SLC4A4: variants seen among roughly 807,000 people sequenced by gnomAD.
SLC4A4 encodes the protein solute carrier family 4 member 4.
Under a neutral mutation model 111.5 loss-of-function variants are expected in SLC4A4, and 27 were observed. The observed-to-expected ratio is 0.24, with a 90% CI of 0.18 to 0.33. The LOEUF (loss-of-function observed/expected upper bound fraction) is 0.33, where lower values mean the gene tolerates loss of function less well. Ranked by LOEUF, SLC4A4 falls within the 10% of genes least tolerant of loss-of-function variation. SLC4A4 has a pLI of 1.00. For missense variants in SLC4A4, 909 were observed against 1,315.5 expected, an observed-to-expected ratio of 0.69 and a Z score of 4.78; for synonymous variants, 443 against 463.4, an observed-to-expected ratio of 0.96 and a Z score of 0.57.
Position 71,560,191 on chromosome 4 carries a change from AAAG to A in SLC4A4, c.3040_3042del (p.Lys1014del). 5.6e-6 allele frequency: 9 copies of A among 1,611,210 alleles called. No individual in the cohort carries two copies. The highest frequency in any genetic ancestry group is 7.6e-6 in the Non-Finnish European group (9 of 1,178,002). On this transcript the variant is annotated inframe_deletion, in exon 23 of 26. Transcript: ENST00000264485. ...ATGTCATTCCAGAAAAGGACAAGAA[AAAG>A]AAGGAGGATGAGAAGAAAAAGAAAA...
At chr4:71,356,565 A>G (rs1043415469) in intron 5 of SLC4A4, among the ~76,000 whole-genome samples, 4 of 152,196 alleles carry the variant, frequency 2.6e-5, no homozygotes, top group African/African-American at 9.6e-5. Context: ...GTATAACATC[A>G]CAGAAGAATT....
intron 6 of SLC4A4, among the ~76,000 whole-genome samples, chr4:71,361,269 A>G (rs936342095): frequency 1.3e-5 from 2 of 152,310 alleles, no homozygotes; most frequent in East Asian, 3.9e-4. Flanking sequence ...TGGCACATCC[A>G]CTACCAGCAC....
chr4:71,108,367 C>T (rs956307007), intron 2 of SLC4A4, among the ~76,000 whole-genome samples: 2 of 152,146 alleles, frequency 1.3e-5, no homozygotes, highest in Non-Finnish European at 2.9e-5. Flanking sequence ...CTGAGAATGC[C>T]TTAGTTTCTC....
intron 1 of SLC4A4, among the ~76,000 whole-genome samples, chr4:71,084,566 C>T (rs902444137): frequency 2.0e-5 from 3 of 151,876 alleles, no homozygotes; most frequent in African/African-American, 7.3e-5. Flanking sequence ...GCCCCCACTG[C>T]ACAACAGGCC....
At chr4:71,169,375 T>C (rs1578546369) in intron 2 of SLC4A4, among the ~76,000 whole-genome samples, 1 of 152,086 alleles carries the variant, frequency 6.6e-6, no homozygotes, top group East Asian at 1.9e-4. Context: ...TACTAATTTA[T>C]ATTACATAAA....
Position 71,430,943 on chromosome 4 carries a change from T to C in SLC4A4, c.808-9673T>C, listed in dbSNP as rs376717322. On this transcript the variant is annotated intron_variant, in intron 7 of 25. Transcript: ENST00000264485. ...TAAGATTGGCTATATCTAGGTCTTT[T>C]GTCCACATATGTGGCCTGGATAGGA... Among the ~76,000 whole-genome samples the C allele has an allele frequency of 4.0e-4, 61 of 152,306 alleles. No homozygotes were observed. In the East Asian group the frequency reaches 6.0e-3, roughly 15 times the overall value.
chr4:71,458,016 A>G (rs974587931), intron 12 of SLC4A4, among the ~76,000 whole-genome samples: 1 of 151,762 alleles, frequency 6.6e-6, no homozygotes, highest in Non-Finnish European at 1.5e-5. Flanking sequence ...TTTTATTTTT[A>G]TTTTTTCCTA....
intron 1 of SLC4A4, among the ~76,000 whole-genome samples, chr4:71,089,887 G>A (rs147321591): frequency 0.56 from 71,544 of 128,726 alleles, 22,276 homozygotes; most frequent in East Asian, 0.73. Context: ...CAGATCTCCA[G>A]CTGTGTGCTG....
At chr4:71,365,085 A>C (rs1731125571) in intron 6 of SLC4A4, among the ~76,000 whole-genome samples, 1 of 152,232 alleles carries the variant, frequency 6.6e-6, no homozygotes, top group Non-Finnish European at 1.5e-5. Flanking sequence ...ATCAAGAAAT[A>C]ATATGTGTAC....
chr4:71,486,589 T>A (rs565192885), intron 14 of SLC4A4, among the ~76,000 whole-genome samples: 1 of 151,620 alleles, frequency 6.6e-6, no homozygotes, highest in Non-Finnish European at 1.5e-5. Flanking sequence ...AAGCCAGTGG[T>A]CAACTTAATC....
intron 3 of SLC4A4, among the ~76,000 whole-genome samples, chr4:71,265,734 C>G (rs973235124): frequency 2.0e-5 from 3 of 152,216 alleles, no homozygotes; most frequent in African/African-American, 7.2e-5. Flanking sequence ...CATAGTGATT[C>G]TCTAACGATT....
At chr4:71,227,000 G>A (rs558534014) in intron 1 of SLC4A4, among the ~76,000 whole-genome samples, 1 of 152,262 alleles carries the variant, frequency 6.6e-6, no homozygotes, top group East Asian at 1.9e-4. Flanking sequence ...GTGGGGACAA[G>A]AGCCATGACA....
At chr4:71,121,220 C>G (rs1743412029) in intron 2 of SLC4A4, among the ~76,000 whole-genome samples, 2 of 152,076 alleles carry the variant, frequency 1.3e-5, no homozygotes, top group African/African-American at 4.8e-5. Flanking sequence ...CTTCCCTCCC[C>G]CCTCCCCTTG....
At chr4:71,375,523 G>A (rs186676828) in intron 6 of SLC4A4, among the ~76,000 whole-genome samples, 2 of 152,110 alleles carry the variant, frequency 1.3e-5, no homozygotes, top group East Asian at 1.9e-4. Context: ...CTCCTTGAAG[G>A]CTTCTTAACT....
chr4:71,116,741 C>T (rs553391680), intron 2 of SLC4A4, among the ~76,000 whole-genome samples: 2 of 152,170 alleles, frequency 1.3e-5, no homozygotes, highest in Admixed American at 6.5e-5. Flanking sequence ...GTTGCGAGTT[C>T]GAGACCAGCC....
intron 1 of SLC4A4, among the ~76,000 whole-genome samples, chr4:71,092,429 T>C (rs538593176): frequency 2.6e-5 from 4 of 152,322 alleles, no homozygotes; most frequent in South Asian, 4.1e-4. Flanking sequence ...CTAGTAAGAA[T>C]TAGTAGATAA....
intron 16 of SLC4A4, among the ~76,000 whole-genome samples, chr4:71,513,594 C>A (rs1316699784): frequency 2.6e-5 from 4 of 152,076 alleles, no homozygotes; most frequent in Admixed American, 2.6e-4. Flanking sequence ...TTAACTTCCC[C>A]TTTTCCAATT....
At chr4:71,388,257 G>A (rs2148963048) in intron 6 of SLC4A4, among the ~76,000 whole-genome samples, 2 of 152,284 alleles carry the variant, frequency 1.3e-5, no homozygotes, top group East Asian at 3.9e-4. Context: ...GTGTGCGTGT[G>A]TGGGTATGTG....
chr4:71,173,924 A>G (rs1745013046), intron 2 of SLC4A4, among the ~76,000 whole-genome samples: 1 of 152,212 alleles, frequency 6.6e-6, no homozygotes, highest in African/African-American at 2.4e-5. Flanking sequence ...TTAAGATTAA[A>G]TGAGTTAATT....
Sources: allele counts gnomAD v4.1 joint callset (sites outside exome capture counted in the v4.1 genomes callset), GRCh38; gene constraint gnomAD v4.1.1; transcripts MANE v1.5; gene names NCBI Gene and HGNC (gene_info 2026-07-23, HGNC 2026-07-21).